Variants in GRM8 observed in about 807,000 individuals in gnomAD.
GRM8 encodes the protein glutamate metabotropic receptor 8, also known as metabotropic glutamate receptor 8.
GRM8 carries 47 observed loss-of-function variants against 87.2 expected under a neutral mutation model. The ratio of observed to expected loss-of-function variants is 0.54; its 90% CI spans 0.43 to 0.69. The LOEUF (loss-of-function observed/expected upper bound fraction) is 0.69, where lower values mean the gene tolerates loss of function less well. Ranked by LOEUF, GRM8 falls within the 30% of genes least tolerant of loss-of-function variation. The pLI, the probability that GRM8 is intolerant of heterozygous loss-of-function variation, is 0.00. For missense variants in GRM8, 1,019 were observed against 1,139.2 expected, an observed-to-expected ratio of 0.89 and a Z score of 1.52; for synonymous variants, 396 against 404.5, an observed-to-expected ratio of 0.98 and a Z score of 0.25.
At position 126,533,465 on chromosome 7, in the gene GRM8, C is replaced by T. The variant is rs1390888073; in HGVS notation, c.1917G>A (p.Met639Ile). 1 of 1,613,934 alleles carries T rather than the reference C, an allele frequency of 6.2e-7. No homozygotes were observed. The highest frequency in any genetic ancestry group is 1.3e-5 in the African/African-American group (1 of 74,878). The change falls in exon 9 of 11, where the codon ATG becomes ATA. Residue 639 changes from methionine (M) to isoleucine (I), a missense_variant. Transcript: ENST00000339582. ...ATATGATTGTATCTGGTGCTGCAATCATTAAAAACGTGATTGAATAACAGA... is the reference window on the plus strand; with the variant it reads ...ATATGATTGTATCTGGTGCTGCAATTATTAAAAACGTGATTGAATAACAGA... ...IFLCYSITFL[M>I]IAAPDTIICS...
chr7:126,955,845 C>G (rs551774670), intron 3 of GRM8, among the ~76,000 whole-genome samples: 2 of 152,178 alleles, frequency 1.3e-5, no homozygotes, highest in African/African-American at 4.8e-5. Context: ...AATAAGAGAG[C>G]CTGACAACTT....
chr7:127,067,388 G>T (rs1159127907), intron 3 of GRM8, among the ~76,000 whole-genome samples: 1 of 152,146 alleles, frequency 6.6e-6, no homozygotes, highest in Non-Finnish European at 1.5e-5. Flanking sequence ...CCTGCCATGT[G>T]ACAGTTCATG....
intron 6 of GRM8, among the ~76,000 whole-genome samples, chr7:126,803,772 C>G (rs1018575057): frequency 6.6e-6 from 1 of 152,196 alleles, no homozygotes; most frequent in South Asian, 2.1e-4. Flanking sequence ...AGTTGTTCAC[C>G]ACTTACTTGG....
chr7:126,481,274 C>G (rs1806642298), intron 9 of GRM8, among the ~76,000 whole-genome samples: 1 of 151,930 alleles, frequency 6.6e-6, no homozygotes, highest in African/African-American at 2.4e-5. Flanking sequence ...TAGACAAGAT[C>G]CAGTTATGGA....
At chr7:126,939,770 AT>A (rs1806711397) in intron 3 of GRM8, among the ~76,000 whole-genome samples, 3 of 152,188 alleles carry the variant, frequency 2.0e-5, no homozygotes, top group Admixed American at 1.3e-4. Flanking sequence ...CAGAGATGGG[AT>A]GTATTCATGA....
chr7:127,064,152 T>G (rs1023964965), intron 3 of GRM8, among the ~76,000 whole-genome samples: 1 of 152,248 alleles, frequency 6.6e-6, no homozygotes, highest in Non-Finnish European at 1.5e-5. Flanking sequence ...TTTGGTCCAA[T>G]GTTGAGTTTA....
intron 3 of GRM8, among the ~76,000 whole-genome samples, chr7:127,061,349 A>G (rs559713651): frequency 2.6e-5 from 4 of 151,504 alleles, no homozygotes; most frequent in African/African-American, 7.2e-5. Context: ...AAGGAATACA[A>G]TTATTAACTA....
intron 7 of GRM8, among the ~76,000 whole-genome samples, chr7:126,656,810 TTAA>T (rs1275090986): frequency 6.6e-6 from 1 of 152,102 alleles, no homozygotes; most frequent in African/African-American, 2.4e-5. Flanking sequence ...GTGTTTATCA[TTAA>T]TAATAATAAT....
chr7:127,203,968 A>G (rs747198637), intron 2 of GRM8, among the ~76,000 whole-genome samples: 15 of 152,218 alleles, frequency 9.9e-5, no homozygotes, highest in Non-Finnish European at 1.9e-4. Flanking sequence ...ATGTCATGCA[A>G]ATAAGGACAG....
chr7:127,098,656 C>T (rs965613249), intron 3 of GRM8, among the ~76,000 whole-genome samples: 20 of 152,126 alleles, frequency 1.3e-4, no homozygotes, highest in African/African-American at 4.6e-4. Flanking sequence ...TGGTTTCTTA[C>T]ATTAACATTT....
chr7:127,033,849 T>C (rs922889185), intron 3 of GRM8, among the ~76,000 whole-genome samples: 1 of 152,222 alleles, frequency 6.6e-6, no homozygotes, highest in African/African-American at 2.4e-5. Context: ...TAAAATCACA[T>C]GTGTAAACAC....
At chr7:126,935,938 T>C (rs1203015671) in intron 3 of GRM8, among the ~76,000 whole-genome samples, 1 of 152,182 alleles carries the variant, frequency 6.6e-6, no homozygotes, top group Non-Finnish European at 1.5e-5. Context: ...GCAGCAGAGA[T>C]TCAGACAGGG....
chr7:126,785,461 G>A (rs538339200), intron 6 of GRM8, among the ~76,000 whole-genome samples: 10 of 152,122 alleles, frequency 6.6e-5, no homozygotes, highest in East Asian at 1.9e-4. Context: ...TAGAACCCAC[G>A]ATTTTTAGGA....
chr7:126,973,277 T>C (rs561255941), intron 3 of GRM8, among the ~76,000 whole-genome samples: 2 of 152,314 alleles, frequency 1.3e-5, no homozygotes, highest in African/African-American at 4.8e-5. Flanking sequence ...CAGACCACAC[T>C]TTACAAACCA....
chr7:127,240,587 T>C (rs959380748), intron 2 of GRM8, among the ~76,000 whole-genome samples: 1 of 152,120 alleles, frequency 6.6e-6, no homozygotes, highest in Admixed American at 6.5e-5. Flanking sequence ...GAACCCGAAT[T>C]GGTTTATAAG....
At chr7:126,874,838 G>T (rs1799402494) in intron 6 of GRM8, among the ~76,000 whole-genome samples, 1 of 152,104 alleles carries the variant, frequency 6.6e-6, no homozygotes, top group Non-Finnish European at 1.5e-5. Context: ...AGTCCATGTT[G>T]CAGGACCTTC....
chr7:127,018,202 A>G (rs894832577), intron 3 of GRM8, among the ~76,000 whole-genome samples: 4 of 152,048 alleles, frequency 2.6e-5, no homozygotes, highest in African/African-American at 7.2e-5. Flanking sequence ...GGTGCTGGGC[A>G]TATATAAAGG....
chr7:126,932,925 A>G (rs953956320), intron 3 of GRM8, among the ~76,000 whole-genome samples: 8 of 152,148 alleles, frequency 5.3e-5, no homozygotes, highest in African/African-American at 1.9e-4. Flanking sequence ...TGAAGTAGAG[A>G]TCTCAGGTTG....
rs368218868 is a variant in GRM8, at chr7:126,726,867, G to GA, written c.1357+42997dup. Among the ~76,000 whole-genome samples, 10 of 149,140 alleles carry GA rather than the reference G, an allele frequency of 6.7e-5. No homozygotes were observed. In the East Asian group the frequency reaches 1.2e-3, roughly 17 times the overall value. ...ATAGGCCACCCAAGATTTGCTCCAA[G>GA]AAAAAAAAACCATTTCTGGTTTGCA... On this transcript the variant is annotated intron_variant, in intron 7 of 10. Coordinates refer to ENST00000339582, the MANE Select transcript of GRM8 (RefSeq NM_000845.3).
Sources: allele counts gnomAD v4.1 joint callset (sites outside exome capture counted in the v4.1 genomes callset), GRCh38; gene constraint gnomAD v4.1.1; transcripts MANE v1.5; gene names NCBI Gene and HGNC (gene_info 2026-07-23, HGNC 2026-07-21).